LDLRAD4: variants seen among roughly 807,000 people sequenced by gnomAD.
LDLRAD4 encodes low density lipoprotein receptor class A domain containing 4.
In LDLRAD4, 5 loss-of-function variants were observed where a neutral mutation model predicts 17.0. That is an observed-to-expected ratio of 0.29 (90% CI 0.15 to 0.62). The LOEUF is 0.62. Ranked by LOEUF, LDLRAD4 falls within the 20% of genes least tolerant of loss-of-function variation. The pLI is 0.84. For missense variants in LDLRAD4, 340 were observed against 424.7 expected, an observed-to-expected ratio of 0.80 and a Z score of 1.75; for synonymous variants, 168 against 171.8, an observed-to-expected ratio of 0.98 and a Z score of 0.17.
At chr18:13,385,658 C>T (rs116184983) in intron 1 of LDLRAD4, among the ~76,000 whole-genome samples, 1,808 of 152,228 alleles carry the variant, frequency 0.012, 42 homozygotes, top group African/African-American at 0.04. Flanking sequence ...AAAATCAAAG[C>T]TTTAGGGCAG....
At chr18:13,573,262 G>T (rs535705347) in intron 3 of LDLRAD4, among the ~76,000 whole-genome samples, 9 of 151,700 alleles carry the variant, frequency 5.9e-5, no homozygotes, top group Non-Finnish European at 1.3e-4. Context: ...CCACCACCAC[G>T]CCCCACTAAT....
At chr18:13,502,390 A>G (rs568000014) in intron 3 of LDLRAD4, among the ~76,000 whole-genome samples, 14 of 152,314 alleles carry the variant, frequency 9.2e-5, no homozygotes, top group Non-Finnish European at 2.1e-4. Flanking sequence ...TTTAAGATGT[A>G]CTAATTCTTT....
At chr18:13,262,512 G>A (rs2043927132) in intron 1 of LDLRAD4, among the ~76,000 whole-genome samples, 6 of 132,660 alleles carry the variant, frequency 4.5e-5, no homozygotes, top group African/African-American at 1.9e-4. Context: ...ACTGAGTCCC[G>A]TGCGGCCCTG....
At position 13,622,000 on chromosome 18, in the gene LDLRAD4, G is replaced by A. The variant is rs1019394796; in HGVS notation, c.336+729G>A. On this transcript the variant is annotated intron_variant, in intron 4 of 5. Coordinates refer to ENST00000359446, the Ensembl canonical transcript of LDLRAD4. This position sits in a 1 kb window ranked among gnomAD's most constrained non-coding sequence, Gnocchi z 5.5. ...TGATGGCTTCCAGCCAGAGGGTTAGGAGCGGTGAGTTCAGCGAGCGTATAA... is the reference window on the plus strand; with the variant it reads ...TGATGGCTTCCAGCCAGAGGGTTAGAAGCGGTGAGTTCAGCGAGCGTATAA... Among the ~76,000 whole-genome samples, 3 of 152,228 alleles carry A rather than the reference G, an allele frequency of 2.0e-5. No homozygotes were observed. Among genetic ancestry groups the A allele is most frequent in the African/African-American group, 7.2e-5 (3 of 41,462 alleles).
Position 13,259,532 on chromosome 18 carries a change from C to T in LDLRAD4, c.-466-18573C>T, listed in dbSNP as rs546551707. 3.3e-5 allele frequency among the ~76,000 whole-genome samples: 5 copies of T among 152,270 alleles called. No homozygotes were observed. In the East Asian group the frequency reaches 5.8e-4, roughly 18 times the overall value. On this transcript the variant is annotated intron_variant, in intron 1 of 5. Coordinates refer to the LDLRAD4 transcript ENST00000399848. ...TGAGTTTTAGTGCTAAAACATCCCA[C>T]GTCGGTAGCTCTTAGAGAAGTACTT...
At chr18:13,295,622 A>G (rs1156265625) in intron 1 of LDLRAD4, among the ~76,000 whole-genome samples, 2 of 152,252 alleles carry the variant, frequency 1.3e-5, no homozygotes, top group Non-Finnish European at 2.9e-5. Context: ...AGCATTGTAT[A>G]CTGACTGAGC....
At chr18:13,267,944 G>A (rs2044312521) in intron 1 of LDLRAD4, among the ~76,000 whole-genome samples, 1 of 152,120 alleles carries the variant, frequency 6.6e-6, no homozygotes, top group African/African-American at 2.4e-5. Flanking sequence ...GCCCAGGCTA[G>A]ACTTGAACTC....
At chr18:13,650,045 C>T (rs934575778) in exon 6 of LDLRAD4, 2 of 398,542 alleles carry the variant, frequency 5.0e-6, no homozygotes, top group Non-Finnish European at 8.8e-6. Flanking sequence ...AGCTGCGTGG[C>T]TTACCGTTCG....
At chr18:13,391,434 A>G (rs1001358875) in intron 2 of LDLRAD4, among the ~76,000 whole-genome samples, 2 of 152,004 alleles carry the variant, frequency 1.3e-5, no homozygotes, top group Admixed American at 1.3e-4. Context: ...GATGGAGTTC[A>G]CTCTGACCTC....
At chr18:13,238,022 G>T (rs1287541207) in intron 1 of LDLRAD4, among the ~76,000 whole-genome samples, 2 of 152,154 alleles carry the variant, frequency 1.3e-5, no homozygotes, top group African/African-American at 4.8e-5. Context: ...TGGGCTGATT[G>T]TGAAGGAAAT....
rs199501710 is a variant in LDLRAD4, at chr18:13,612,682, T to A, written c.182-8435T>A. On this transcript the variant is annotated intron_variant, in intron 3 of 5. Coordinates refer to ENST00000359446, the Ensembl canonical transcript of LDLRAD4. ...TGGGGGGGCTGCGTCACAGTTGGAC[T>A]CCCACTTGCAGAGGACCTGATTATG... 7.7e-5 allele frequency: 125 copies of A among 1,613,794 alleles called. 1 individual carries two copies. The highest frequency in any genetic ancestry group is 1.0e-4 in the Non-Finnish European group (120 of 1,179,792).
chr18:13,248,175 C>T (rs1247654455), intron 1 of LDLRAD4, among the ~76,000 whole-genome samples: 2 of 152,128 alleles, frequency 1.3e-5, no homozygotes, highest in African/African-American at 4.8e-5. Context: ...GTTGGTCAGG[C>T]TGTTCTCAAA....
At chr18:13,377,840 C>A (rs1377009543) in intron 1 of LDLRAD4, among the ~76,000 whole-genome samples, 1 of 152,198 alleles carries the variant, frequency 6.6e-6, no homozygotes, top group South Asian at 2.1e-4. Context: ...CAGAGTCTCC[C>A]CTGGAAATAT....
At chr18:13,590,187 G>C (rs973234713) in intron 3 of LDLRAD4, among the ~76,000 whole-genome samples, 2 of 151,952 alleles carry the variant, frequency 1.3e-5, no homozygotes, top group Non-Finnish European at 2.9e-5. Flanking sequence ...TACGGGGGAA[G>C]GAGATGTGGG....
At chr18:13,335,717 G>T (rs1245721955) in intron 1 of LDLRAD4, among the ~76,000 whole-genome samples, 3 of 152,156 alleles carry the variant, frequency 2.0e-5, no homozygotes, top group Admixed American at 6.6e-5. Flanking sequence ...GGAATGCCTG[G>T]CTGGGTATAA....
intron 2 of LDLRAD4, among the ~76,000 whole-genome samples, chr18:13,421,473 C>T (rs1375578641): frequency 1.3e-5 from 2 of 152,152 alleles, no homozygotes; most frequent in Non-Finnish European, 2.9e-5. Flanking sequence ...GTTTCTGAGT[C>T]CCCACTTCCT....
chr18:13,473,658 T>TAC (rs2092846052), intron 3 of LDLRAD4, among the ~76,000 whole-genome samples: 1 of 104,738 alleles, frequency 9.5e-6, no homozygotes, highest in African/African-American at 3.5e-5. Context: ...TATATATATA[T>TAC]ATATATATAT....
chr18:13,401,524 G>A (rs1249786232), intron 2 of LDLRAD4, among the ~76,000 whole-genome samples: 1 of 152,142 alleles, frequency 6.6e-6, no homozygotes, highest in Admixed American at 6.5e-5. Flanking sequence ...GAGCAGGTTG[G>A]GGGTTGGGCG....
At chr18:13,393,217 G>A (rs2145344505) in intron 2 of LDLRAD4, among the ~76,000 whole-genome samples, 1 of 152,348 alleles carries the variant, frequency 6.6e-6, no homozygotes, top group East Asian at 1.9e-4. Flanking sequence ...GCTCGCTTTA[G>A]GAGATATTGA....
Sources: gnomAD v4.1 joint callset for allele counts (sites outside exome capture counted in the v4.1 genomes callset) on GRCh38, gnomAD v4.1.1 for gene constraint, Gnocchi (gnomAD v3.1) non-coding constraint, MANE v1.5 for transcripts, NCBI Gene and HGNC (gene_info 2026-07-23, HGNC 2026-07-21) for gene names.